The following GALT variants were observed in gnomAD, a reference collection of about 807,000 sequenced individuals.
GALT encodes UDP-glucose--hexose-1-phosphate uridylyltransferase.
GALT carries 42 observed loss-of-function variants against 55.4 expected under a neutral mutation model. That is an observed-to-expected ratio of 0.76 (90% CI 0.59 to 0.98). The LOEUF (loss-of-function observed/expected upper bound fraction) is 0.98, where lower values mean the gene tolerates loss of function less well. Ranked by LOEUF, GALT falls within the 50% of genes least tolerant of loss-of-function variation. The probability of loss-of-function intolerance (pLI) is 0.00; values close to 1 mark genes in which losing one functional copy is unlikely to be tolerated. For missense variants in GALT, 407 were observed against 495.7 expected, an observed-to-expected ratio of 0.82 and a Z score of 1.70; for synonymous variants, 154 against 181.5, an observed-to-expected ratio of 0.85 and a Z score of 1.22.
intron 1 of GALT, 83 bp downstream of exon 1, chr9:34,646,869 T>C: frequency 6.2e-7 from 1 of 1,609,184 alleles, no homozygotes; most frequent in Non-Finnish European, 8.5e-7. Context: ...CCTCCGAAGG[T>C]TGGAACGCTC....
At position 34,649,494 on chromosome 9, in the gene GALT, C is replaced by T. The variant is rs111033804; in HGVS notation, c.989C>T (p.Ala330Val). The change falls in exon 10 of 11, where the codon GCC becomes GTC. Residue 330 changes from alanine (A) to valine (V), a missense_variant. Physicochemically the swap from Ala to Val is moderately conservative, Grantham distance 64. Coordinates refer to ENST00000378842, the MANE Select transcript of GALT (RefSeq NM_000155.4). ...TACTACCCTCCGCTCCTGCGCTCTG[C>T]CACTGTCCGGAAATTCATGGTTGGC... The part of the protein sequence containing the change: ...AHYYPPLLRS[A>V]TVRKFMVGYE... 1 of 1,614,068 alleles carries T rather than the reference C, an allele frequency of 6.2e-7. No individual in the cohort carries two copies. The highest frequency in any genetic ancestry group is 1.3e-5 in the African/African-American group (1 of 74,926).
At chr9:34,649,945 C>T in intron 10 of GALT, 1 of 269,740 alleles carries the variant, frequency 3.7e-6, no homozygotes, top group Non-Finnish European at 7.1e-6. Context: ...ATTCATATTT[C>T]AAACCACAAT....
In GALT at chr9:34,648,717, C is replaced by A; in HGVS notation, c.688-45C>A. The A allele has an allele frequency of 6.2e-7, 1 of 1,610,504 alleles. No individual in the cohort carries two copies. The highest frequency in any genetic ancestry group is 8.5e-7 in the Non-Finnish European group (1 of 1,179,600). ...TGCCTATTTGCTGACCACACTCCGG[C>A]TCCTATGTCACCTTGATGACTTCCT... On this transcript the variant is annotated intron_variant, in intron 7 of 10. Transcript: ENST00000378842. This position sits in a 1 kb window ranked among gnomAD's most constrained non-coding sequence, Gnocchi z 4.9.
In GALT at chr9:34,650,452, A is replaced by G. The variant is rs1354637530; in HGVS notation, c.*3A>G. The G allele has an allele frequency of 6.2e-7, 1 of 1,613,740 alleles. No homozygotes were observed. Among genetic ancestry groups the G allele is most frequent in the African/African-American group, 1.3e-5 (1 of 74,892 alleles). On this transcript the variant is annotated 3_prime_UTR_variant, in exon 11 of 11. Coordinates refer to ENST00000378842, the MANE Select transcript of GALT (RefSeq NM_000155.4). ...GGGAGACAGCAACCATCGCCTGACC[A>G]CGCCGACCACAGGGCCTTGAATCCT... is the stretch of plus-strand genomic sequence containing the variant.
intron 10 of GALT, chr9:34,650,056 G>A (rs1821215111): frequency 7.8e-6 from 3 of 383,260 alleles, no homozygotes; most frequent in African/African-American, 4.1e-5. Context: ...AAGATGGGAG[G>A]ATTGCTTGAG....
Position 34,648,945 on chromosome 9 carries a change from C to G in GALT, c.820+51C>G, listed in dbSNP as rs746119139. The G allele has an allele frequency of 1.9e-6, 3 of 1,613,580 alleles. No individual in the cohort carries two copies. In the African/African-American group the frequency reaches 4.0e-5, roughly 22 times the overall value. The stretch of plus-strand genomic sequence containing the variant: ...GGCTAGGCACTGGATGGAGGTTGCT[C>G]CCAGTAGGGTCAGCATCTGGACCCC... On this transcript the variant is annotated intron_variant, in intron 8 of 10. Coordinates refer to ENST00000378842, the MANE Select transcript of GALT (RefSeq NM_000155.4). The surrounding 1 kb of genome is among the most constrained non-coding windows in gnomAD (Gnocchi z 4.9).
In GALT at chr9:34,647,149, G is replaced by A. The variant is rs773683290; in HGVS notation, c.143G>A (p.Arg48His). 2 of 1,614,178 alleles carry A rather than the reference G, an allele frequency of 1.2e-6. No homozygotes were observed. Among genetic ancestry groups the A allele is most frequent in the South Asian group, 1.1e-5 (1 of 91,086 alleles). Residue 48 changes from arginine to histidine, a missense_variant, in exon 2 of 11, where the codon CGC (arginine) becomes CAC (histidine). Coordinates refer to ENST00000378842, the MANE Select transcript of GALT (RefSeq NM_000155.4). This position sits in a 1 kb window ranked among gnomAD's most constrained non-coding sequence, Gnocchi z 5.6. ...QDEWVLVSAH[R>H]MKRPWQGQVE... ...GAGTGGGTGCTGGTGTCAGCTCACC[G>A]CATGAAGCGGCCCTGGCAGGGTCAA...
Position 34,650,358 on chromosome 9 carries a change from C to A in GALT, c.1060-11C>A. On this transcript the variant is annotated splice_polypyrimidine_tract_variant and intron_variant, in intron 10 of 10. Transcript: ENST00000378842. ...CTTATCCTCCTTAATTGCTCCCTGTCCCTTTTCCAGGCTGCAGAGAGACTA... is the reference window on the plus strand; with the variant it reads ...CTTATCCTCCTTAATTGCTCCCTGTACCTTTTCCAGGCTGCAGAGAGACTA... The A allele has an allele frequency of 6.2e-7, 1 of 1,610,832 alleles. No homozygotes were observed. Among genetic ancestry groups the A allele is most frequent in the Non-Finnish European group, 8.5e-7 (1 of 1,177,654 alleles).
At position 34,647,971 on chromosome 9, in the gene GALT, G is replaced by A. The variant is rs753052473; in HGVS notation, c.507+10G>A. The A allele has an allele frequency of 6.2e-6, 10 of 1,614,102 alleles. No homozygotes were observed. The East Asian group carries it at 1.8e-4, about 29-fold the overall frequency. On this transcript the variant is annotated intron_variant, in intron 5 of 10. Coordinates refer to ENST00000378842, the MANE Select transcript of GALT (RefSeq NM_000155.4). The surrounding 1 kb of genome is among the most constrained non-coding windows in gnomAD (Gnocchi z 5.6). ...GTACCCTTGGGTGCAGGTTTGTGAGGTCGCCCCTTCCCCTGGATGGGCAGG... is the reference window on the plus strand; with the variant it reads ...GTACCCTTGGGTGCAGGTTTGTGAGATCGCCCCTTCCCCTGGATGGGCAGG...
At chr9:34,649,172 G>T in intron 9 of GALT, 91 bp downstream of exon 9, 2 of 1,388,224 alleles carry the variant, frequency 1.4e-6, no homozygotes, top group Non-Finnish European at 2.0e-6. Context: ...AAAGGAGCAA[G>T]CCTTGAAACA....
In GALT at chr9:34,646,763, C is replaced by G. The variant is rs779003828; in HGVS notation, c.59C>G (p.Ala20Gly). 5 of 1,613,450 alleles carry G rather than the reference C, an allele frequency of 3.1e-6. No homozygotes were observed. In the East Asian group the frequency reaches 1.1e-4, roughly 36 times the overall value. ...CAGCAGGCGTCAGAGGCGGACGCCG[C>G]AGCAGCAACCTTCCGGGCAAACGGT... is the stretch of plus-strand genomic sequence containing the variant. Reference protein sequence around the residue: ...QRQQASEADAAAATFRANDHQ... With the variant: ...QRQQASEADAGAATFRANDHQ... The change falls in exon 1 of 11, where the codon GCA becomes GGA. Residue 20 changes from alanine to glycine, a missense_variant. Ala to Gly is a moderately conservative substitution (Grantham distance 60, BLOSUM62 0). Transcript: ENST00000378842.
chr9:34,649,284 C>A, intron 9 of GALT, 126 bp from the exon 10 acceptor site: 2 of 1,370,496 alleles, frequency 1.5e-6, no homozygotes, highest in Non-Finnish European at 1.0e-6. Flanking sequence ...CTCCTGCCAG[C>A]TCTTCTCAAG....
intron 10 of GALT, 50 bp downstream of exon 10, chr9:34,649,614 T>C (rs1821205397): frequency 1.3e-6 from 2 of 1,598,384 alleles, no homozygotes; most frequent in South Asian, 2.2e-5. Context: ...ATGCAGTATG[T>C]GCAGGCACCT....
rs367543258 is a variant in GALT, at chr9:34,647,956, G to T, written c.502G>T (p.Val168Leu). 1 of 1,614,232 alleles carries T rather than the reference G, an allele frequency of 6.2e-7. No homozygotes were observed. The change falls in exon 5 of 11, where the codon GTG (valine) becomes TTG (leucine). Residue 168 changes from valine to leucine, a missense_variant. Transcript: ENST00000378842. The surrounding 1 kb of genome is among the most constrained non-coding windows in gnomAD (Gnocchi z 5.6). ...GGAGCTGGGTGCCCAGTACCCTTGGGTGCAGGTTTGTGAGGTCGCCCCTTC... is the reference window on the plus strand; with the variant it reads ...GGAGCTGGGTGCCCAGTACCCTTGGTTGCAGGTTTGTGAGGTCGCCCCTTC... ...TEELGAQYPWVQIFENKGAMM... is the reference protein window; with the variant it reads ...TEELGAQYPWLQIFENKGAMM...
rs1407596089 is a variant in GALT at position 34,648,467 on chromosome 9, G to A, written c.687+11G>A. ...GAGCTACTCAGGAAGGTGGGAGAGA[G>A]CCAAGCCCTGTGTCCCCAAGGAGTC... is the stretch of plus-strand genomic sequence containing the variant. On this transcript the variant is annotated intron_variant, in intron 7 of 10. Coordinates refer to ENST00000378842, the MANE Select transcript of GALT (RefSeq NM_000155.4). This position sits in a 1 kb window ranked among gnomAD's most constrained non-coding sequence, Gnocchi z 4.9. 2 of 1,614,006 alleles carry A rather than the reference G, an allele frequency of 1.2e-6. No homozygotes were observed. Among genetic ancestry groups the A allele is most frequent in the Admixed American group, 1.7e-5 (1 of 60,006 alleles).
rs1368982678 is a variant in GALT at position 34,648,126 on chromosome 9, CAA to C, written c.521_522del (p.Lys174ArgfsTer8). 6.2e-7 allele frequency: 1 copy of C among 1,614,174 alleles called. No homozygotes were observed. Among genetic ancestry groups the C allele is most frequent in the Non-Finnish European group, 8.5e-7 (1 of 1,180,024 alleles). ...TCCCTATCTGATAGATCTTTGAAAA[CAA>C]AGGTGCCATGATGGGCTGTTCTAAC... The part of the protein sequence containing the change: ...QYPWVQIFEN[K>X]GAMMGCSNPH... On this transcript the variant is annotated frameshift_variant, in exon 6 of 11. Coordinates refer to ENST00000378842, the MANE Select transcript of GALT (RefSeq NM_000155.4). LOFTEE classifies it high-confidence loss of function. This position sits in a 1 kb window ranked among gnomAD's most constrained non-coding sequence, Gnocchi z 4.9.
chr9:34,649,162 A>C, intron 9 of GALT, 81 bp downstream of exon 9: 9 of 1,423,876 alleles, frequency 6.3e-6, no homozygotes, highest in Non-Finnish European at 8.9e-6. Flanking sequence ...CTGCAACCTC[A>C]AAGGAGCAAG....
intron 10 of GALT, chr9:34,650,047 A>G (rs1821214988): frequency 5.3e-6 from 2 of 375,708 alleles, no homozygotes; most frequent in South Asian, 2.9e-5. Flanking sequence ...TGGGAGGTCA[A>G]GATGGGAGGA....
At position 34,648,669 on chromosome 9, in the gene GALT, A is replaced by G. The variant is rs1821172443; in HGVS notation, c.688-93A>G. 1 of 1,549,506 alleles carries G rather than the reference A, an allele frequency of 6.5e-7. No individual in the cohort carries two copies. The highest frequency in any genetic ancestry group is 8.9e-7 in the Non-Finnish European group (1 of 1,128,830). ...GGTGAGAAGACATCAGATCCTGGGC[A>G]CATTCTTTTCTTCTGCTTCCCTTGC... On this transcript the variant is annotated intron_variant, in intron 7 of 10. Coordinates refer to ENST00000378842, the MANE Select transcript of GALT (RefSeq NM_000155.4). This position sits in a 1 kb window ranked among gnomAD's most constrained non-coding sequence, Gnocchi z 4.9.
Sources: allele counts gnomAD v4.1 joint callset, GRCh38; gene constraint gnomAD v4.1.1; non-coding constraint Gnocchi (gnomAD v3.1); transcripts MANE v1.5; gene names NCBI Gene and HGNC (gene_info 2026-07-23, HGNC 2026-07-21).